The following MAGI2 variants were observed in gnomAD, a reference collection of about 807,000 sequenced individuals.
MAGI2 encodes membrane associated guanylate kinase, WW and PDZ domain containing 2.
Under a neutral mutation model 133.3 loss-of-function variants are expected in MAGI2, and 35 were observed. The ratio of observed to expected loss-of-function variants is 0.26; its 90% confidence interval spans 0.20 to 0.35. The LOEUF is 0.35. Among genes scored for constraint, MAGI2 ranks in the 10% least tolerant of loss-of-function variants. MAGI2 has a pLI of 1.00. For missense variants in MAGI2, 1,636 were observed against 1,863.4 expected (o/e 0.88, Z 2.25); for synonymous variants, 729 against 710.6 (o/e 1.03, Z -0.41).
chr7:79,445,786 T>C (rs1290695392), intron 1 of MAGI2, among the ~76,000 whole-genome samples: 1 of 152,162 alleles, frequency 6.6e-6, no homozygotes, highest in Non-Finnish European at 1.5e-5. Flanking sequence ...GAACTAGAAA[T>C]ACCATTTGGC....
chr7:78,186,366 G>A (rs1827699168), intron 12 of MAGI2, among the ~76,000 whole-genome samples: 2 of 152,086 alleles, frequency 1.3e-5, no homozygotes, highest in South Asian at 4.1e-4. Flanking sequence ...GGAAGTATTG[G>A]GAGACATGTT....
chr7:78,560,865 GC>G (rs139642608), intron 3 of MAGI2, among the ~76,000 whole-genome samples: 2,175 of 152,234 alleles, frequency 0.014, 32 homozygotes, highest in East Asian at 0.058. Flanking sequence ...ACAACATATA[GC>G]CTTTCTAGTA....
chr7:79,202,677 T>A (rs138448457), intron 1 of MAGI2, among the ~76,000 whole-genome samples: 54 of 150,956 alleles, frequency 3.6e-4, no homozygotes, highest in African/African-American at 1.3e-3. Context: ...AAGTAATGAC[T>A]GCATAAGCTT....
At chr7:79,122,442 T>C (rs1257629683) in intron 1 of MAGI2, among the ~76,000 whole-genome samples, 1 of 152,162 alleles carries the variant, frequency 6.6e-6, no homozygotes, top group Non-Finnish European at 1.5e-5. Flanking sequence ...TATAGGGTTA[T>C]AGTGATCCAC....
chr7:79,328,447 A>G (rs1286859384), intron 1 of MAGI2, among the ~76,000 whole-genome samples: 1 of 152,166 alleles, frequency 6.6e-6, no homozygotes, highest in African/African-American at 2.4e-5. Context: ...ATAACTACCA[A>G]TTATGCACTA....
At chr7:78,664,217 A>G (rs957631086) in intron 2 of MAGI2, among the ~76,000 whole-genome samples, 2 of 152,178 alleles carry the variant, frequency 1.3e-5, no homozygotes, top group African/African-American at 4.8e-5. Context: ...ATGTTGATAT[A>G]TGTATATACA....
At chr7:78,473,902 C>T (rs1022391758) in intron 6 of MAGI2, among the ~76,000 whole-genome samples, 5 of 151,966 alleles carry the variant, frequency 3.3e-5, no homozygotes, top group African/African-American at 9.7e-5. Flanking sequence ...AAATCTTAAA[C>T]GACTTCTCTG....
At chr7:79,327,072 A>G (rs892720637) in intron 1 of MAGI2, among the ~76,000 whole-genome samples, 4 of 151,982 alleles carry the variant, frequency 2.6e-5, no homozygotes, top group African/African-American at 4.8e-5. Flanking sequence ...AACAGTGCAG[A>G]CTCTGGAGCC....
chr7:78,088,776 C>T (rs1290323933), intron 20 of MAGI2, among the ~76,000 whole-genome samples: 1 of 152,220 alleles, frequency 6.6e-6, no homozygotes, highest in Admixed American at 6.5e-5. Context: ...TAAAGTCCCC[C>T]ATCCCCAGAT....
chr7:78,353,078 G>A (rs1035548516), intron 7 of MAGI2: 3 of 152,174 alleles, frequency 2.0e-5, no homozygotes, highest in Non-Finnish European at 2.9e-5. Flanking sequence ...TCTCTAAAAT[G>A]TTATTGCTGA....
chr7:78,551,819 A>T (rs1584599487), intron 3 of MAGI2, among the ~76,000 whole-genome samples: 1 of 152,204 alleles, frequency 6.6e-6, no homozygotes, highest in East Asian at 1.9e-4. Context: ...AACCTGGCTC[A>T]CTGCAGCCTT....
chr7:78,790,274 A>T (rs1167923968), intron 2 of MAGI2, among the ~76,000 whole-genome samples: 1 of 152,124 alleles, frequency 6.6e-6, no homozygotes, highest in Non-Finnish European at 1.5e-5. Flanking sequence ...AATATCTGAG[A>T]TATGATATGA....
chr7:78,748,253 A>G (rs1051499169), intron 2 of MAGI2, among the ~76,000 whole-genome samples: 1 of 152,194 alleles, frequency 6.6e-6, no homozygotes, highest in African/African-American at 2.4e-5. Flanking sequence ...TGAAACTTTC[A>G]TATAGAACAG....
intron 7 of MAGI2, among the ~76,000 whole-genome samples, chr7:78,349,212 T>C (rs1791233962): frequency 6.6e-6 from 1 of 152,212 alleles, no homozygotes; most frequent in African/African-American, 2.4e-5. Flanking sequence ...TCTTTCTGTA[T>C]TGAGCATCTA....
chr7:78,908,159 A>C (rs1174694690), intron 2 of MAGI2, among the ~76,000 whole-genome samples: 11 of 152,178 alleles, frequency 7.2e-5, no homozygotes, highest in Admixed American at 6.5e-4. Context: ...TTGGAGTAGA[A>C]TGCTATAAGT....
At chr7:79,204,749 T>C (rs895039443) in intron 1 of MAGI2, among the ~76,000 whole-genome samples, 5 of 151,730 alleles carry the variant, frequency 3.3e-5, no homozygotes, top group African/African-American at 1.2e-4. Flanking sequence ...AGTGACCAGA[T>C]GAACAATTTA....
intron 2 of MAGI2, among the ~76,000 whole-genome samples, chr7:78,960,211 G>A (rs1171345104): frequency 6.6e-6 from 1 of 152,102 alleles, no homozygotes; most frequent in African/African-American, 2.4e-5. Context: ...GTGTGGGGAG[G>A]CAGGGATGGC....
Position 78,966,156 on chromosome 7 carries a change from A to G in MAGI2, c.418+40934T>C, listed in dbSNP as rs532757499. 4.6e-5 allele frequency among the ~76,000 whole-genome samples: 7 copies of G among 152,232 alleles called. No individual in the cohort carries two copies. The South Asian group carries it at 1.0e-3, about 23-fold the overall frequency. On this transcript the variant is annotated intron_variant, in intron 2 of 21. Transcript: ENST00000354212. ...GAAATAACTGTTTTACAAAGCAAAT[A>G]TAAAACTTAATTCTTTAAAATTGTG...
At chr7:78,469,945 A>G (rs1055950848) in intron 6 of MAGI2, among the ~76,000 whole-genome samples, 2 of 152,122 alleles carry the variant, frequency 1.3e-5, no homozygotes, top group African/African-American at 4.8e-5. Flanking sequence ...AAACCAAGGA[A>G]TAGTCAATAA....
Sources: allele counts gnomAD v4.1 joint callset (sites outside exome capture counted in the v4.1 genomes callset), GRCh38; gene constraint gnomAD v4.1.1; transcripts MANE v1.5; gene names NCBI Gene and HGNC (gene_info 2026-07-23, HGNC 2026-07-21).